Variants in SDHA observed in about 807,000 individuals in gnomAD.
The protein encoded by SDHA is succinate dehydrogenase [ubiquinone] flavoprotein subunit, mitochondrial.
In SDHA, 48 loss-of-function variants were observed where a neutral mutation model predicts 78.4. The ratio of observed to expected loss-of-function variants is 0.61; its 90% confidence interval spans 0.49 to 0.78. SDHA has a LOEUF of 0.78. Ranked by LOEUF, SDHA falls within the 30% of genes least tolerant of loss-of-function variation. The pLI is 0.00. For missense variants in SDHA, 680 were observed against 892.7 expected (o/e 0.76, Z 3.04); for synonymous variants, 326 against 353.9 (o/e 0.92, Z 0.88).
intron 8 of SDHA, chr5:234,850 T>A (rs1473106299): frequency 2.2e-6 from 1 of 461,722 alleles, no homozygotes; most frequent in East Asian, 4.3e-5. Flanking sequence ...CATAGAGGCC[T>A]TTCTAATGCA....
At chr5:251,639 G>A (rs2126634466) in intron 13 of SDHA, 171 bp downstream of exon 13, 1 of 1,531,480 alleles carries the variant, frequency 6.5e-7, no homozygotes, top group Non-Finnish European at 8.8e-7. Flanking sequence ...CCATCTTCTG[G>A]ATCACTGTGA....
At chr5:259,852 CCGT>C (rs1737419946), downstream of SDHA, among the ~76,000 whole-genome samples, 1 of 31,258 alleles carries the variant, frequency 3.2e-5, no homozygotes, top group Admixed American at 2.9e-4. Flanking sequence ...GCTCCGCCTC[CCGT>C]CACAGCATTA....
At chr5:226,908 A>G (rs1488971740) in intron 5 of SDHA, among the ~76,000 whole-genome samples, 2 of 144,772 alleles carry the variant, frequency 1.4e-5, no homozygotes, top group African/African-American at 5.3e-5. Context: ...CAGCCTGGGC[A>G]ACAGAATGAG....
intron 3 of SDHA, among the ~76,000 whole-genome samples, chr5:225,159 G>A (rs772681982): frequency 2.0e-5 from 3 of 152,192 alleles, no homozygotes; most frequent in Non-Finnish European, 2.9e-5. Flanking sequence ...GCTCCAGTCA[G>A]CCCTTCCTGG....
downstream of SDHA, among the ~76,000 whole-genome samples, chr5:259,501 T>G (rs373231242): frequency 6.2e-5 from 1 of 16,096 alleles, no homozygotes; most frequent in Non-Finnish European, 1.1e-4. Flanking sequence ...CTCCGCCTCC[T>G]GTCACAGCAT....
chr5:222,451 G>A (rs920184775), intron 1 of SDHA, among the ~76,000 whole-genome samples: 2 of 151,060 alleles, frequency 1.3e-5, no homozygotes, highest in Non-Finnish European at 2.9e-5. Context: ...GGGTTCAAGC[G>A]ATTCTCCTGC....
At position 254,373 on chromosome 5, in the gene SDHA, G is replaced by T; in HGVS notation, c.1795-20G>T. On this transcript the variant is annotated intron_variant, in intron 13 of 14. Coordinates refer to ENST00000264932, the MANE Select transcript of SDHA (RefSeq NM_004168.4). ...GCTCTGTTAGAGTAATAAGAAACGT[G>T]ATGGTGTTTCTGGCCTCAGGTGCGG... 6.3e-7 allele frequency: 1 copy of T among 1,575,042 alleles called. No homozygotes were observed. The highest frequency in any genetic ancestry group is 1.4e-5 in the African/African-American group (1 of 73,986).
chr5:240,620 T>G (rs1736078640), intron 11 of SDHA, 144 bp downstream of exon 11: 1 of 693,922 alleles, frequency 1.4e-6, no homozygotes, highest in African/African-American at 1.8e-5. Flanking sequence ...TCTGGGCTTT[T>G]CATGTACCCG....
chr5:251,442 G>A lies in SDHA; in HGVS notation c.1768G>A (p.Gly590Ser), dbSNP rs1736825032. ...AGCAGAGGCACGGAAGGAGTCACGG[G>A]GCGCGCATGCCAGGGAAGACTACAA... is the stretch of plus-strand genomic sequence containing the variant. The part of the protein sequence containing the change: ...YGAEARKESR[G>S]AHAREDYKVR... The change falls in exon 13 of 15, where the codon GGC becomes AGC. Residue 590 changes from glycine (G) to serine (S), a missense_variant. Coordinates refer to ENST00000264932, the MANE Select transcript of SDHA (RefSeq NM_004168.4). The A allele has an allele frequency of 1.9e-6, 3 of 1,613,980 alleles. No individual in the cohort carries two copies. The highest frequency in any genetic ancestry group is 2.5e-6 in the Non-Finnish European group (3 of 1,179,870).
intron 1 of SDHA, chr5:220,225 C>G (rs528525390): frequency 2.5e-6 from 1 of 406,522 alleles, no homozygotes. Context: ...CTTTTGGTTT[C>G]TTTTTATGGC....
the SDHA span, among the ~76,000 whole-genome samples, chr5:265,274 T>C: frequency 6.6e-6 from 1 of 152,200 alleles, no homozygotes; most frequent in African/African-American, 2.4e-5. Context: ...AATAGAAATA[T>C]AAGCATTAAC....
At chr5:252,312 C>G (rs112035259) in intron 13 of SDHA, among the ~76,000 whole-genome samples, 1 of 126,720 alleles carries the variant, frequency 7.9e-6, no homozygotes, top group African/African-American at 4.2e-5. Flanking sequence ...GCCACCGTTT[C>G]AAGCCTGCCC....
At chr5:240,295 TA>T in intron 10 of SDHA, 62 bp from the exon 11 acceptor site, 2 of 1,029,210 alleles carry the variant, frequency 1.9e-6, no homozygotes, top group Non-Finnish European at 1.5e-6. Context: ...TGTGTCATTC[TA>T]AATCCATTTG....
chr5:218,544 G>A (rs1407445471), intron 1 of SDHA, 126 bp downstream of exon 1: 1 of 750,844 alleles, frequency 1.3e-6, no homozygotes, highest in Non-Finnish European at 1.9e-6. Flanking sequence ...CCGGGATCGG[G>A]AAGGGGCTGA....
intron 3 of SDHA, chr5:224,764 C>T: frequency 1.8e-6 from 1 of 557,568 alleles, no homozygotes; most frequent in Non-Finnish European, 3.2e-6. Context: ...TTTCTCTGAC[C>T]ATCTTGCCTA....
downstream of SDHA, among the ~76,000 whole-genome samples, chr5:260,977 G>C (rs1339541154): frequency 3.0e-4 from 3 of 10,030 alleles, no homozygotes; most frequent in East Asian, 7.5e-4. Context: ...CCTCCCGTCC[G>C]AGCATTACCG....
intron 13 of SDHA, among the ~76,000 whole-genome samples, chr5:252,638 G>T (rs1471615210): frequency 6.9e-6 from 1 of 145,914 alleles, no homozygotes; most frequent in Non-Finnish European, 1.5e-5. Context: ...GTAAGCCACC[G>T]TTTCAAACCT....
chr5:236,839 A>T (rs1397592211), intron 10 of SDHA, among the ~76,000 whole-genome samples: 2 of 151,574 alleles, frequency 1.3e-5, no homozygotes, highest in African/African-American at 4.9e-5. Context: ...TTTTGTAGAG[A>T]CAGGGTCTCA....
chr5:238,937 G>A, intron 10 of SDHA, among the ~76,000 whole-genome samples: 1 of 151,474 alleles, frequency 6.6e-6, no homozygotes, highest in Non-Finnish European at 1.5e-5. Flanking sequence ...CTCCAGCCTG[G>A]GCAAGAGAGG....
Sources: allele counts gnomAD v4.1 joint callset (sites outside exome capture counted in the v4.1 genomes callset), GRCh38; gene constraint gnomAD v4.1.1; transcripts MANE v1.5; gene names NCBI Gene and HGNC (gene_info 2026-07-23, HGNC 2026-07-21).